SERPINE3: variants seen among roughly 807,000 people sequenced by gnomAD.
SERPINE3 encodes serpin E3.
Under a neutral mutation model 41.7 loss-of-function variants are expected in SERPINE3, and 43 were observed. That is an observed-to-expected ratio of 1.03 (90% CI 0.81 to 1.33). The LOEUF (loss-of-function observed/expected upper bound fraction) is 1.33. Ranked by LOEUF, SERPINE3 falls within the 40% of genes most tolerant of loss-of-function variation. The pLI is 0.00. For missense variants in SERPINE3, 440 were observed against 491.7 expected, an observed-to-expected ratio of 0.89 and a Z score of 0.99; for synonymous variants, 200 against 192.2, an observed-to-expected ratio of 1.04 and a Z score of -0.34.
chr13:51,361,138 T>C (rs780712839), intron 7 of SERPINE3, 140 bp from the exon 8 acceptor site: 64 of 537,290 alleles, frequency 1.2e-4, no homozygotes, highest in Non-Finnish European at 1.9e-4. Flanking sequence ...AAAAACAGAA[T>C]TTTCCACTCT....
rs375567988 is a variant in SERPINE3, at chr13:51,347,093, G to A, written c.559G>A (p.Val187Met). The A allele has an allele frequency of 1.8e-5, 29 of 1,608,990 alleles. No individual in the cohort carries two copies. In the African/African-American group the frequency reaches 3.6e-4, roughly 20 times the overall value. The change falls in exon 5 of 10, where the codon GTG (valine) becomes ATG (methionine). Residue 187 changes from valine to methionine, a missense_variant. Transcript: ENST00000681248. ...AGTCAGTGCAGCATTTGCTCAGCTT[G>A]TGCTTGTGAGCACCATGTCCTTCCA... Reference protein sequence around the residue: ...EQVSAAFAQLVLVSTMSFQGT... With the variant: ...EQVSAAFAQLMLVSTMSFQGT...
At chr13:51,362,286 AGAG>A (rs1191270534) in intron 9 of SERPINE3, 1 of 294,252 alleles carries the variant, frequency 3.4e-6, no homozygotes, top group East Asian at 8.6e-5. Flanking sequence ...AGAGTACACC[AGAG>A]TAGTCCTCTT....
In SERPINE3 at chr13:51,354,414, C is replaced by G. The variant is rs548450132; in HGVS notation, c.900-629C>G. 2.0e-5 allele frequency: 3 copies of G among 152,106 alleles called. No individual in the cohort carries two copies. In the South Asian group the frequency reaches 6.2e-4, roughly 32 times the overall value. The allele number at this position is 152,106 out of a possible 1,614,324, so 9.4% of individuals were successfully genotyped here. A position where few individuals can be genotyped will look rare whatever the true frequency, so the allele number is the denominator to read the frequency against. On this transcript the variant is annotated intron_variant, in intron 6 of 9. Transcript: ENST00000681248. ...AATCCACATAAAGCTCTTATAGTATCTAGCATAATGTAAGCACTCATTAAA... is the reference window on the plus strand; with the variant it reads ...AATCCACATAAAGCTCTTATAGTATGTAGCATAATGTAAGCACTCATTAAA...
At chr13:51,353,211 A>G (rs1955426718) in intron 6 of SERPINE3, among the ~76,000 whole-genome samples, 1 of 151,980 alleles carries the variant, frequency 6.6e-6, no homozygotes. Flanking sequence ...TTTTTAGTTT[A>G]TGAAAAATGA....
Position 51,344,324 on chromosome 13 carries a change from A to C in SERPINE3, c.329A>C (p.Glu110Ala). ...ACCTCCAGCCAAGGCACCGAGATGG[A>C]GCTGGCCTGCAGCCTTTTTGTGCAA... is the stretch of plus-strand genomic sequence containing the variant. ...LPTSSQGTEM[E>A]LACSLFVQVG... The change falls in exon 4 of 10, where the codon GAG becomes GCG. Residue 110 changes from glutamate (E) to alanine (A), a missense_variant. Physicochemically the swap from Glu to Ala is moderately radical, Grantham distance 107 (BLOSUM62 -1). Coordinates refer to ENST00000681248, the MANE Select transcript of SERPINE3 (RefSeq NM_001386375.1). 12 of 1,613,682 alleles carry C rather than the reference A, an allele frequency of 7.4e-6. No homozygotes were observed. The highest frequency in any genetic ancestry group is 9.3e-6 in the Non-Finnish European group (11 of 1,179,810).
chr13:51,361,426 A>T, intron 8 of SERPINE3, 62 bp downstream of exon 8: 1 of 1,008,586 alleles, frequency 9.9e-7, no homozygotes, highest in South Asian at 1.4e-5. Context: ...AAATTTACCT[A>T]GTTGAATCTT....
At chr13:51,363,796 T>A (rs1955631620) in intron 9 of SERPINE3, 1 of 152,508 alleles carries the variant, frequency 6.6e-6, no homozygotes, top group Non-Finnish European at 1.5e-5. Flanking sequence ...GGCAGAGAGA[T>A]AAAGGACAAA....
chr13:51,361,482 A>G (rs1386144058), intron 8 of SERPINE3, 118 bp downstream of exon 8: 1 of 705,134 alleles, frequency 1.4e-6, no homozygotes, highest in Non-Finnish European at 2.4e-6. Context: ...GGTGTGGTGT[A>G]GTATTTTTTA....
chr13:51,351,060 A>T (rs1230676856), intron 6 of SERPINE3, among the ~76,000 whole-genome samples: 1 of 152,172 alleles, frequency 6.6e-6, no homozygotes, highest in Non-Finnish European at 1.5e-5. Flanking sequence ...TAGATATTTG[A>T]GTGCCTAGAC....
In SERPINE3 at chr13:51,352,440, C is replaced by A. The variant is rs148944856; in HGVS notation, c.900-2603C>A. Among the ~76,000 whole-genome samples the A allele has an allele frequency of 8.5e-3, 1,288 of 151,244 alleles. 16 individuals are homozygous for A. The highest frequency in any genetic ancestry group is 0.046 in the South Asian group (217 of 4,764). On this transcript the variant is annotated intron_variant, in intron 6 of 9. Transcript: ENST00000681248. Reference sequence around the variant, plus strand: ...TTGTATCTTAATCTTGTATGCTGTACCTTACTGAACTCATTTATTAGCTCT... The same window carrying A: ...TTGTATCTTAATCTTGTATGCTGTAACTTACTGAACTCATTTATTAGCTCT...
intron 7 of SERPINE3, 98 bp from the exon 8 acceptor site, chr13:51,361,180 A>T: frequency 1.3e-6 from 1 of 782,768 alleles, no homozygotes; most frequent in Non-Finnish European, 2.2e-6. Context: ...AGCATTGGAT[A>T]CTATAAATTT....
intron 6 of SERPINE3, chr13:51,354,248 A>ATTTGAAT (rs1446369194): frequency 6.6e-6 from 1 of 152,078 alleles, no homozygotes; most frequent in African/African-American, 2.4e-5. Flanking sequence ...CTGCACACAC[A>ATTTGAAT]CAGGCTTGAT....
At chr13:51,348,465 G>A (rs1046292214) in intron 6 of SERPINE3, 54 bp downstream of exon 6, 11 of 1,505,488 alleles carry the variant, frequency 7.3e-6, no homozygotes, top group Middle Eastern at 1.7e-4. Flanking sequence ...TCAGAAGAGC[G>A]TGGATTTGCA....
chr13:51,361,670 G>A, intron 8 of SERPINE3, 140 bp from the exon 9 acceptor site: 1 of 713,746 alleles, frequency 1.4e-6, no homozygotes, highest in South Asian at 2.1e-5. Context: ...TTTCCCATCT[G>A]CACCCCCATC....
intron 6 of SERPINE3, chr13:51,348,652 A>ACTCTGCCTTC (rs1955375037): frequency 2.0e-6 from 1 of 497,670 alleles, no homozygotes; most frequent in Non-Finnish European, 3.6e-6. Context: ...TCTTTCCAAG[A>ACTCTGCCTTC]CAAGATATTC....
At chr13:51,342,785 A>T (rs1231037145) in intron 3 of SERPINE3, among the ~76,000 whole-genome samples, 1 of 152,166 alleles carries the variant, frequency 6.6e-6, no homozygotes, top group Non-Finnish European at 1.5e-5. Flanking sequence ...ATTCCTAGGA[A>T]TGTGATCTCA....
chr13:51,363,249 A>G (rs1955618127), intron 9 of SERPINE3: 1 of 151,970 alleles, frequency 6.6e-6, no homozygotes, highest in Non-Finnish European at 1.5e-5. Flanking sequence ...AGTTTTCAGA[A>G]CTGCCTCAGT....
intron 6 of SERPINE3, among the ~76,000 whole-genome samples, chr13:51,353,411 C>T (rs1345386666): frequency 2.0e-5 from 3 of 152,162 alleles, no homozygotes; most frequent in African/African-American, 4.8e-5. Flanking sequence ...CCTACAAACA[C>T]GCATTACAAT....
chr13:51,344,220 A>G (rs1955322255), intron 3 of SERPINE3, 32 bp from the exon 4 acceptor site: 1 of 1,552,458 alleles, frequency 6.4e-7, no homozygotes, highest in Non-Finnish European at 8.9e-7. Context: ...CACACTCACC[A>G]TTGTCAACTT....
Sources: gnomAD v4.1 joint callset for allele counts (sites outside exome capture counted in the v4.1 genomes callset) on GRCh38, gnomAD v4.1.1 for gene constraint, MANE v1.5 for transcripts, NCBI Gene and HGNC (gene_info 2026-07-23, HGNC 2026-07-21) for gene names.